ABHD12: variants seen among roughly 807,000 people sequenced by gnomAD.
ABHD12 encodes abhydrolase domain containing 12, lysophospholipase, also known as lysophosphatidylserine lipase ABHD12.
A neutral mutation model predicts 58.3 loss-of-function variants in ABHD12; 43 were observed. The observed-to-expected ratio is 0.74, with a 90% CI of 0.58 to 0.95. The LOEUF is 0.95. Among genes scored for constraint, ABHD12 ranks in the 40% least tolerant of loss-of-function variants. The pLI is 0.00. For missense variants in ABHD12, 539 were observed against 537.2 expected (o/e 1.00, Z -0.03); for synonymous variants, 219 against 211.2 (o/e 1.04, Z -0.32).
chr20:25,327,466 CAAAA>C (rs566529626), intron 2 of ABHD12, among the ~76,000 whole-genome samples: 2 of 101,612 alleles, frequency 2.0e-5, no homozygotes. Flanking sequence ...GACTCCGTCT[CAAAA>C]AAAAAAAAAA....
chr20:25,388,902 T>G (rs547854323), intron 1 of ABHD12, among the ~76,000 whole-genome samples: 19 of 151,356 alleles, frequency 1.3e-4, no homozygotes, highest in African/African-American at 4.4e-4. Flanking sequence ...CCTCCCAGAT[T>G]CAAGCGATTC....
In ABHD12 at chr20:25,300,479, C is replaced by G; in HGVS notation, c.*366G>C. On this transcript the variant is annotated 3_prime_UTR_variant, in exon 13 of 13. Transcript: ENST00000339157. ...GTTCTCTGTGGGTGGTGCCAAAAAGCTCAGCATGGTCCCGAGCCCCAAGAG... is the reference window on the plus strand; with the variant it reads ...GTTCTCTGTGGGTGGTGCCAAAAAGGTCAGCATGGTCCCGAGCCCCAAGAG... The G allele has an allele frequency of 8.0e-7, 1 of 1,245,678 alleles. No homozygotes were observed. The highest frequency in any genetic ancestry group is 1.0e-6 in the Non-Finnish European group (1 of 981,300). The allele number at this position is 1,245,678 out of a possible 1,614,324, so 77.2% of individuals were successfully genotyped here.
At chr20:25,314,391 C>A (rs1233528433) in intron 6 of ABHD12, among the ~76,000 whole-genome samples, 1 of 152,134 alleles carries the variant, frequency 6.6e-6, no homozygotes, top group Non-Finnish European at 1.5e-5. Context: ...ATTTAAAATG[C>A]TGCAGGTTGG....
At position 25,306,863 on chromosome 20, in the gene ABHD12, C is replaced by T. The variant is rs1176224001; in HGVS notation, c.920G>A (p.Ser307Asn). 1 of 1,612,622 alleles carries T rather than the reference C, an allele frequency of 6.2e-7. No homozygotes were observed. The change falls in exon 10 of 13, where the codon AGT becomes AAT. Residue 307 changes from serine to asparagine, a missense_variant. Physicochemically the swap from Ser to Asn is conservative, Grantham distance 46 (BLOSUM62 1). Coordinates refer to ENST00000339157, the MANE Select transcript of ABHD12 (RefSeq NM_001042472.3). ...FDWFFLDPITSSGIKFANDEN... is the reference protein window; with the variant it reads ...FDWFFLDPITNSGIKFANDEN... Reference sequence around the variant, plus strand: ...ATCATTTGCAAATTTAATTCCACTACTTGTAATAGGATCAAGGAAGAACCA... The same window carrying T: ...ATCATTTGCAAATTTAATTCCACTATTTGTAATAGGATCAAGGAAGAACCA...
At chr20:25,366,119 T>C (rs900435868) in intron 1 of ABHD12, among the ~76,000 whole-genome samples, 7 of 152,230 alleles carry the variant, frequency 4.6e-5, no homozygotes, top group Non-Finnish European at 1.0e-4. Flanking sequence ...CTTTCGCATA[T>C]TTTTCATTGG....
chr20:25,297,441 T>TG (rs1447268140), downstream of ABHD12: 1 of 152,518 alleles, frequency 6.6e-6, no homozygotes, highest in African/African-American at 2.4e-5. Context: ...TGCTGTGTCC[T>TG]GAGGTGCATT....
intron 1 of ABHD12, 42 bp downstream of exon 1, chr20:25,390,471 G>T: frequency 7.8e-7 from 1 of 1,279,964 alleles, no homozygotes; most frequent in Admixed American, 3.6e-5. Context: ...GCAAAGTGAG[G>T]GACCGGCCCC....
chr20:25,380,365 A>C (rs915946811), intron 1 of ABHD12, among the ~76,000 whole-genome samples: 1 of 152,108 alleles, frequency 6.6e-6, no homozygotes, highest in South Asian at 2.1e-4. Flanking sequence ...TAATATCATA[A>C]TTATCAATAT....
rs543922498 is a variant in ABHD12 at position 25,344,465 on chromosome 20, C to A, written c.192-5114G>T. 3.3e-5 allele frequency among the ~76,000 whole-genome samples: 5 copies of A among 152,266 alleles called. No homozygotes were observed. The South Asian group carries it at 1.0e-3, about 32-fold the overall frequency. ...CAAAATGAACTACTTAGATACAAAT[C>A]TAACAAAATATGTACAAGATCTAAT... On this transcript the variant is annotated intron_variant, in intron 1 of 12. Transcript: ENST00000339157.
chr20:25,359,360 C>A (rs13040130), intron 1 of ABHD12, among the ~76,000 whole-genome samples: 42,160 of 138,754 alleles, frequency 0.3, 7,863 homozygotes, highest in Non-Finnish European at 0.41. Flanking sequence ...GGAGGCGGAG[C>A]TTGCAGTGAG....
At chr20:25,318,539 CAAAG>C (rs1465463611) in intron 4 of ABHD12, among the ~76,000 whole-genome samples, 1 of 151,872 alleles carries the variant, frequency 6.6e-6, no homozygotes, top group African/African-American at 2.4e-5. Flanking sequence ...ATGCACAGGA[CAAAG>C]AAAGCAGGCA....
At chr20:25,364,830 C>T (rs1035440296) in intron 1 of ABHD12, among the ~76,000 whole-genome samples, 5 of 152,226 alleles carry the variant, frequency 3.3e-5, no homozygotes, top group African/African-American at 1.2e-4. Context: ...CACTCTCACA[C>T]CGCCAATGGG....
intron 1 of ABHD12, among the ~76,000 whole-genome samples, chr20:25,366,276 C>CTTTTCT (rs527428305): frequency 0.012 from 1,872 of 150,778 alleles, 39 homozygotes; most frequent in African/African-American, 0.043. Context: ...TAAGTCTTTT[C>CTTTTCT]TTTTCTTTTT....
At chr20:25,376,871 G>A (rs921027233) in intron 1 of ABHD12, among the ~76,000 whole-genome samples, 6 of 152,192 alleles carry the variant, frequency 3.9e-5, no homozygotes, top group Non-Finnish European at 5.9e-5. Flanking sequence ...CAATTATCCA[G>A]AGGGAGTTTC....
chr20:25,390,461 G>A (rs1439275811), intron 1 of ABHD12, 52 bp downstream of exon 1: 3 of 1,336,148 alleles, frequency 2.2e-6, no homozygotes, highest in Admixed American at 3.3e-5. Context: ...ACGCACCTGC[G>A]CAAAGTGAGG....
intron 1 of ABHD12, among the ~76,000 whole-genome samples, chr20:25,386,172 G>C (rs2090087803): frequency 6.6e-6 from 1 of 151,426 alleles, no homozygotes; most frequent in Non-Finnish European, 1.5e-5. Flanking sequence ...TTTTTACAAA[G>C]CTATAGAAAA....
intron 1 of ABHD12, among the ~76,000 whole-genome samples, chr20:25,341,945 C>T (rs1295429750): frequency 1.3e-5 from 2 of 152,100 alleles, no homozygotes; most frequent in Non-Finnish European, 2.9e-5. Flanking sequence ...AATCTACTTA[C>T]TCATCCTTCA....
chr20:25,303,728 G>C (rs576308540), intron 10 of ABHD12, 100 bp from the exon 11 acceptor site: 1 of 1,509,160 alleles, frequency 6.6e-7, no homozygotes, highest in Non-Finnish European at 9.0e-7. Context: ...TGTGTTTTGG[G>C]AAACAGCCTG....
intron 1 of ABHD12, among the ~76,000 whole-genome samples, chr20:25,359,022 C>T (rs903129497): frequency 6.7e-6 from 1 of 150,278 alleles, no homozygotes; most frequent in Non-Finnish European, 1.5e-5. Flanking sequence ...ATTATTTTAG[C>T]ATATACGAGA....
Sources: allele counts gnomAD v4.1 joint callset (sites outside exome capture counted in the v4.1 genomes callset), GRCh38; gene constraint gnomAD v4.1.1; transcripts MANE v1.5; gene names NCBI Gene and HGNC (gene_info 2026-07-23, HGNC 2026-07-21).